The following ZMAT4 variants were observed in gnomAD, a reference collection of about 807,000 sequenced individuals.
ZMAT4 encodes zinc finger matrin-type protein 4.
ZMAT4 carries 17 observed loss-of-function variants against 28.7 expected under a neutral mutation model. That is an observed-to-expected ratio of 0.59 (90% CI 0.41 to 0.89). ZMAT4 has a LOEUF of 0.89. Ranked by LOEUF, ZMAT4 falls within the 40% of genes least tolerant of loss-of-function variation. The pLI is 0.00. For missense variants in ZMAT4, 240 were observed against 283.8 expected (o/e 0.85, Z 1.11); for synonymous variants, 117 against 109.2 (o/e 1.07, Z -0.44).
At chr8:40,877,332 T>C (rs1364102292) in intron 1 of ZMAT4, among the ~76,000 whole-genome samples, 1 of 152,200 alleles carries the variant, frequency 6.6e-6, no homozygotes, top group African/African-American at 2.4e-5. Context: ...TCATTACGAC[T>C]GCACTAGTAA....
chr8:40,747,525 T>TC (rs1005577770), intron 3 of ZMAT4, among the ~76,000 whole-genome samples: 2 of 118,692 alleles, frequency 1.7e-5, no homozygotes, highest in African/African-American at 6.4e-5. Flanking sequence ...TCTTTCTCTT[T>TC]CCCCTTTTTT....
intron 2 of ZMAT4, among the ~76,000 whole-genome samples, chr8:40,788,312 C>T (rs1814169344): frequency 6.6e-6 from 1 of 152,168 alleles, no homozygotes; most frequent in Non-Finnish European, 1.5e-5. Context: ...AGGCTGGGCA[C>T]GGTGGCTCAC....
chr8:40,618,275 C>T (rs1022320817), intron 5 of ZMAT4, among the ~76,000 whole-genome samples: 4 of 152,128 alleles, frequency 2.6e-5, no homozygotes, highest in East Asian at 3.9e-4. Flanking sequence ...CAAAACAACA[C>T]GAGGCAGCCT....
chr8:40,680,638 G>A (rs1320999147), intron 4 of ZMAT4, among the ~76,000 whole-genome samples: 1 of 151,338 alleles, frequency 6.6e-6, no homozygotes, highest in Non-Finnish European at 1.5e-5. Flanking sequence ...GAGCCACAGG[G>A]TTCTCTGCCA....
intron 4 of ZMAT4, among the ~76,000 whole-genome samples, chr8:40,681,621 C>T (rs1041310805): frequency 6.6e-6 from 1 of 152,182 alleles, no homozygotes; most frequent in Non-Finnish European, 1.5e-5. Flanking sequence ...TATTTTGCAT[C>T]TCTGGCAGAG....
At chr8:40,799,237 G>A (rs867867075) in intron 2 of ZMAT4, among the ~76,000 whole-genome samples, 3 of 101,034 alleles carry the variant, frequency 3.0e-5, no homozygotes, top group African/African-American at 7.2e-5. Flanking sequence ...ATAGATAGAT[G>A]GATGGATGGA....
At chr8:40,653,333 A>G (rs1362222817) in intron 5 of ZMAT4, among the ~76,000 whole-genome samples, 3 of 152,088 alleles carry the variant, frequency 2.0e-5, no homozygotes, top group Non-Finnish European at 4.4e-5. Context: ...CTAAACTTCT[A>G]TCTTAAAAAC....
At position 40,663,035 on chromosome 8, in the gene ZMAT4, C is replaced by G. The variant is rs550765771; in HGVS notation, c.577+11669G>C. ...ATCCTCTACTGACAAGTATTCATCT[C>G]TCTACTCAAAAACACATCAGTGGCC... On this transcript the variant is annotated intron_variant, in intron 5 of 6. Transcript: ENST00000297737. Among the ~76,000 whole-genome samples the G allele has an allele frequency of 6.6e-5, 10 of 152,304 alleles. No homozygotes were observed. In the East Asian group the frequency reaches 1.7e-3, roughly 26 times the overall value.
intron 6 of ZMAT4, among the ~76,000 whole-genome samples, chr8:40,576,562 A>G (rs1035960695): frequency 6.6e-6 from 1 of 151,990 alleles, no homozygotes; most frequent in Admixed American, 6.6e-5. Flanking sequence ...AGTCAAGAAT[A>G]CTATACCCTG....
rs535830864 is a variant in ZMAT4, at chr8:40,564,392, C to G, written c.674+16773G>C. On this transcript the variant is annotated intron_variant, in intron 6 of 6. Coordinates refer to ENST00000297737, the MANE Select transcript of ZMAT4 (RefSeq NM_024645.3). ...CATTGCTGATGCCAGCTTCCTCTTT[C>G]TGCCTTCTCTCCCCCTGTCAATGAC... 8.5e-5 allele frequency among the ~76,000 whole-genome samples: 13 copies of G among 152,284 alleles called. No homozygotes were observed. The South Asian group carries it at 2.3e-3, about 27-fold the overall frequency.
chr8:40,870,879 C>T (rs1024769142), intron 1 of ZMAT4, among the ~76,000 whole-genome samples: 4 of 152,220 alleles, frequency 2.6e-5, no homozygotes, highest in African/African-American at 9.6e-5. Flanking sequence ...GAAGAGGATG[C>T]TGGAGCCACA....
chr8:40,733,588 T>C (rs1361596599), intron 3 of ZMAT4, among the ~76,000 whole-genome samples: 4 of 152,066 alleles, frequency 2.6e-5, no homozygotes, highest in African/African-American at 9.7e-5. Context: ...ACAAGTTGTG[T>C]CAAGACAATT....
At chr8:40,716,117 T>C (rs1331740122) in intron 3 of ZMAT4, among the ~76,000 whole-genome samples, 1 of 152,198 alleles carries the variant, frequency 6.6e-6, no homozygotes, top group Non-Finnish European at 1.5e-5. Flanking sequence ...ATAACTTTAA[T>C]GGAGGGCTTT....
intron 4 of ZMAT4, among the ~76,000 whole-genome samples, chr8:40,686,119 G>T (rs1415952169): frequency 6.6e-6 from 1 of 152,102 alleles, no homozygotes; most frequent in African/African-American, 2.4e-5. Context: ...AGCCATCCAT[G>T]ACCTCAAGGA....
chr8:40,847,916 G>T (rs1384474975), intron 1 of ZMAT4, among the ~76,000 whole-genome samples: 1 of 152,178 alleles, frequency 6.6e-6, no homozygotes, highest in Non-Finnish European at 1.5e-5. Context: ...CCTACCCACA[G>T]ATTACGTGAA....
intron 3 of ZMAT4, among the ~76,000 whole-genome samples, chr8:40,732,732 C>T (rs902996949): frequency 2.0e-5 from 3 of 152,054 alleles, no homozygotes; most frequent in African/African-American, 4.8e-5. Flanking sequence ...CCCAAAAAGG[C>T]CCTGAGGCCT....
At chr8:40,776,748 C>CA (rs1813610626) in intron 2 of ZMAT4, among the ~76,000 whole-genome samples, 1 of 152,148 alleles carries the variant, frequency 6.6e-6, no homozygotes, top group South Asian at 2.1e-4. Context: ...ACAAAGTTAA[C>CA]AAATCCTTCT....
rs1415881154 is a variant in ZMAT4 at position 40,830,118 on chromosome 8, A to G, written c.-4-4438T>C. On this transcript the variant is annotated intron_variant, in intron 1 of 6. Coordinates refer to ENST00000297737, the MANE Select transcript of ZMAT4 (RefSeq NM_024645.3). ...GCTTCTTTCTGCTTCTCAAGAACAGATTGAAGGAATGAATGCAGGCTAAAA... is the reference window on the plus strand; with the variant it reads ...GCTTCTTTCTGCTTCTCAAGAACAGGTTGAAGGAATGAATGCAGGCTAAAA... Among the ~76,000 whole-genome samples, 3 of 152,158 alleles carry G rather than the reference A, an allele frequency of 2.0e-5. 1 individual carries two copies. In the East Asian group the frequency reaches 5.8e-4, roughly 29 times the overall value.
chr8:40,741,832 G>C (rs1812016679), intron 3 of ZMAT4, among the ~76,000 whole-genome samples: 1 of 152,118 alleles, frequency 6.6e-6, no homozygotes, highest in South Asian at 2.1e-4. Context: ...TCAATTGTAA[G>C]AGATTGGTTA....
Sources: allele counts gnomAD v4.1 joint callset (sites outside exome capture counted in the v4.1 genomes callset), GRCh38; gene constraint gnomAD v4.1.1; transcripts MANE v1.5; gene names NCBI Gene and HGNC (gene_info 2026-07-23, HGNC 2026-07-21).